Variants in IFT52 observed in about 807,000 individuals in gnomAD.
IFT52 encodes intraflagellar transport protein 52 homolog.
In IFT52, 44 loss-of-function variants were observed where a neutral mutation model predicts 54.4. That is an observed-to-expected ratio of 0.81 (90% confidence interval 0.63 to 1.04). The LOEUF is 1.04. Among genes scored for constraint, IFT52 ranks in the 50% least tolerant of loss-of-function variants. The probability of loss-of-function intolerance (pLI) is 0.00; values close to 1 mark genes in which losing one functional copy is unlikely to be tolerated. For synonymous variants in IFT52, 181 were observed against 185.3 expected, an observed-to-expected ratio of 0.98 and a Z score of 0.19; for missense variants, 452 against 523.6, an observed-to-expected ratio of 0.86 and a Z score of 1.33.
At chr20:43,592,872 G>A (rs868649594) in intron 1 of IFT52, among the ~76,000 whole-genome samples, 12 of 152,320 alleles carry the variant, frequency 7.9e-5, no homozygotes, top group African/African-American at 2.9e-4. Context: ...CACTTTGGGA[G>A]GTTGAGGTAG....
At position 43,620,904 on chromosome 20, in the gene IFT52, G is replaced by A. The variant is rs1417270150; in HGVS notation, c.747G>A (p.Gln249=). 2 of 1,611,902 alleles carry A rather than the reference G, an allele frequency of 1.2e-6. No individual in the cohort carries two copies. The highest frequency in any genetic ancestry group is 2.2e-5 in the South Asian group (2 of 90,564). The change falls in exon 9 of 14, where the codon CAG becomes CAA. Residue 249 remains glutamine (Q), a synonymous_variant. Coordinates refer to ENST00000373030, the MANE Select transcript of IFT52 (RefSeq NM_016004.5). ...WLTTGDIHLN[Q]IDAEDPEISD... The stretch of plus-strand genomic sequence containing the variant: ...CGACAGGAGACATCCACCTAAACCA[G>A]ATTGATGCTGAGGACCCAGAGGTAG...
At chr20:43,615,885 G>A (rs1244055582) in intron 7 of IFT52, among the ~76,000 whole-genome samples, 2 of 152,078 alleles carry the variant, frequency 1.3e-5, no homozygotes, top group Non-Finnish European at 1.5e-5. Flanking sequence ...GCAGTGAGCC[G>A]AGATTGTGCC....
chr20:43,607,965 C>T (rs1983094767), intron 6 of IFT52, among the ~76,000 whole-genome samples: 1 of 152,192 alleles, frequency 6.6e-6, no homozygotes, highest in South Asian at 2.1e-4. Context: ...GCCAACACAG[C>T]GAAACCCCGT....
intron 3 of IFT52, among the ~76,000 whole-genome samples, chr20:43,599,005 A>G (rs1259606316): frequency 2.0e-5 from 3 of 152,126 alleles, no homozygotes; most frequent in East Asian, 3.9e-4. Context: ...TTGTTTCTCA[A>G]TTTGATTGCA....
intron 3 of IFT52, among the ~76,000 whole-genome samples, chr20:43,598,524 A>C (rs971089256): frequency 6.6e-6 from 1 of 152,060 alleles, no homozygotes; most frequent in African/African-American, 2.4e-5. Context: ...GTGAAACCTC[A>C]TCTCTACTAA....
Position 43,613,931 on chromosome 20 carries a change from C to T in IFT52, c.567C>T (p.Val189=). The change falls in exon 7 of 14, where the codon GTC becomes GTT. Residue 189 remains valine, a synonymous_variant. Coordinates refer to ENST00000373030, the MANE Select transcript of IFT52 (RefSeq NM_016004.5). ...TGGCGGTTCTGTCTACAGGTTCTGT[C>T]TGCTTCCCACTTAACAGACCCATTT... ...PAVAVLSTGS[V]CFPLNRPILA... 6.2e-7 allele frequency: 1 copy of T among 1,614,104 alleles called. No homozygotes were observed. Among genetic ancestry groups the T allele is most frequent in the East Asian group, 2.2e-5 (1 of 44,884 alleles).
At chr20:43,606,918 A>T (rs1306522816) in intron 6 of IFT52, among the ~76,000 whole-genome samples, 6 of 152,226 alleles carry the variant, frequency 3.9e-5, no homozygotes, top group African/African-American at 1.4e-4. Context: ...GTCACAGATC[A>T]ACAGGATCCC....
chr20:43,614,901 C>T (rs1983745281), intron 7 of IFT52, among the ~76,000 whole-genome samples: 1 of 151,484 alleles, frequency 6.6e-6, no homozygotes, highest in Non-Finnish European at 1.5e-5. Flanking sequence ...CTCCGCCTAC[C>T]AGGTTCAAGC....
At chr20:43,629,593 T>C (rs565745561) in intron 10 of IFT52, among the ~76,000 whole-genome samples, 1 of 152,078 alleles carries the variant, frequency 6.6e-6, no homozygotes, top group East Asian at 1.9e-4. Context: ...TTTACAGACA[T>C]TGAACCCCCA....
intron 7 of IFT52, 151 bp downstream of exon 7, chr20:43,614,127 T>G (rs546757278): frequency 1.5e-6 from 1 of 687,080 alleles, no homozygotes; most frequent in Non-Finnish European, 2.4e-6. Flanking sequence ...TACATTTTGC[T>G]TATGGGGAAA....
chr20:43,625,306 C>T (rs368909001), intron 10 of IFT52, among the ~76,000 whole-genome samples: 2 of 151,932 alleles, frequency 1.3e-5, no homozygotes, highest in African/African-American at 2.4e-5. Context: ...GTCAGGCGTT[C>T]GAGACCAGCC....
Position 43,640,232 on chromosome 20 carries a change from G to A in IFT52, c.1121-2247G>A, listed in dbSNP as rs140882328. On this transcript the variant is annotated intron_variant, in intron 12 of 13. Transcript: ENST00000373030. ...AGCACTTTGGGAGGCCGAGGCAGGT[G>A]GATCACAAGGTCAGGAGTTTGAGAC... Among the ~76,000 whole-genome samples, 36 of 152,218 alleles carry A rather than the reference G, an allele frequency of 2.4e-4. 1 individual carries two copies. The East Asian group carries it at 6.4e-3, about 27-fold the overall frequency.
At chr20:43,604,530 T>C (rs1982706607) in intron 5 of IFT52, among the ~76,000 whole-genome samples, 1 of 152,124 alleles carries the variant, frequency 6.6e-6, no homozygotes, top group South Asian at 2.1e-4. Flanking sequence ...GAGCTGAGAT[T>C]GCACCATTGT....
chr20:43,629,462 CAG>C (rs1370896253), intron 10 of IFT52, among the ~76,000 whole-genome samples: 23 of 152,206 alleles, frequency 1.5e-4, no homozygotes, highest in African/African-American at 5.5e-4. Flanking sequence ...TTAGTAGAGA[CAG>C]GGTTTCACTG....
At chr20:43,619,676 A>G (rs1366281110) in intron 8 of IFT52, among the ~76,000 whole-genome samples, 1 of 152,084 alleles carries the variant, frequency 6.6e-6, no homozygotes, top group African/African-American at 2.4e-5. Flanking sequence ...AATAAAGTAA[A>G]GGCATTGCAA....
At chr20:43,624,246 T>G (rs1363658806) in intron 10 of IFT52, 3 of 592,272 alleles carry the variant, frequency 5.1e-6, no homozygotes, top group Non-Finnish European at 8.8e-6. Context: ...TATTAGCCCC[T>G]GCGTGTTCCA....
chr20:43,591,558 A>G (rs943248072), intron 1 of IFT52, among the ~76,000 whole-genome samples: 1 of 152,216 alleles, frequency 6.6e-6, no homozygotes, highest in South Asian at 2.1e-4. Context: ...AGAACAAAAA[A>G]AGATAGATGT....
chr20:43,610,902 CTGTT>C (rs1364476121), intron 6 of IFT52, among the ~76,000 whole-genome samples: 1 of 152,194 alleles, frequency 6.6e-6, no homozygotes, highest in Non-Finnish European at 1.5e-5. Context: ...GGCATAGTAA[CTGTT>C]AGTGTCTGTT....
At chr20:43,634,640 GT>G (rs376453972) in intron 10 of IFT52, among the ~76,000 whole-genome samples, 392 of 143,464 alleles carry the variant, frequency 2.7e-3, no homozygotes, top group African/African-American at 7.3e-3. Flanking sequence ...TTTATGAGGT[GT>G]TTTTTTTTTT....
Sources: gnomAD v4.1 joint callset for allele counts (sites outside exome capture counted in the v4.1 genomes callset) on GRCh38, gnomAD v4.1.1 for gene constraint, MANE v1.5 for transcripts, NCBI Gene and HGNC (gene_info 2026-07-23, HGNC 2026-07-21) for gene names.